ANKS1B: variants seen among roughly 807,000 people sequenced by gnomAD.
ANKS1B encodes the protein ankyrin repeat and sterile alpha motif domain containing 1B, also known as ankyrin repeat and sterile alpha motif domain-containing protein 1B.
In ANKS1B, 36 loss-of-function variants were observed where a neutral mutation model predicts 148.3. That is an observed-to-expected ratio of 0.24 (90% CI 0.19 to 0.32). The LOEUF (loss-of-function observed/expected upper bound fraction) is 0.32, where lower values mean the gene tolerates loss of function less well. Ranked by LOEUF, ANKS1B falls within the 10% of genes least tolerant of loss-of-function variation. ANKS1B has a pLI of 1.00. For synonymous variants in ANKS1B, 542 were observed against 560.8 expected (o/e 0.97, Z 0.47); for missense variants, 1,157 against 1,542.6 (o/e 0.75, Z 4.19).
intron 14 of ANKS1B, among the ~76,000 whole-genome samples, chr12:99,233,490 T>C (rs2087252607): frequency 6.6e-6 from 1 of 152,148 alleles, no homozygotes; most frequent in Non-Finnish European, 1.5e-5. Flanking sequence ...ATATCCAGCT[T>C]TGCTGAAGAA....
chr12:99,962,272 C>T (rs575774187), intron 1 of ANKS1B, among the ~76,000 whole-genome samples: 27 of 152,018 alleles, frequency 1.8e-4, no homozygotes, highest in Non-Finnish European at 3.1e-4. Flanking sequence ...CATTGCTCAA[C>T]TCCCACTTAT....
chr12:99,800,011 TTGAC>T (rs1567871473), intron 4 of ANKS1B, among the ~76,000 whole-genome samples: 2 of 152,130 alleles, frequency 1.3e-5, no homozygotes, highest in African/African-American at 4.8e-5. Flanking sequence ...TTCTGGCTGT[TTGAC>T]TGAAAATAGA....
At chr12:99,541,569 A>G (rs1373220435) in intron 9 of ANKS1B, among the ~76,000 whole-genome samples, 1 of 152,150 alleles carries the variant, frequency 6.6e-6, no homozygotes, top group African/African-American at 2.4e-5. Flanking sequence ...ACAAAATGTA[A>G]CATGCTTCTG....
intron 15 of ANKS1B, among the ~76,000 whole-genome samples, chr12:99,130,682 G>C (rs756728165): frequency 6.6e-6 from 1 of 152,032 alleles, no homozygotes; most frequent in African/African-American, 2.4e-5. Context: ...CATTTTGAAC[G>C]GATTAAGTTC....
chr12:99,018,059 G>T (rs2099943626), intron 17 of ANKS1B, among the ~76,000 whole-genome samples: 2 of 152,156 alleles, frequency 1.3e-5, no homozygotes, highest in African/African-American at 4.8e-5. Flanking sequence ...GATAAACCTT[G>T]ATGACTGAGA....
At chr12:99,433,613 T>C (rs964049353) in intron 11 of ANKS1B, among the ~76,000 whole-genome samples, 1 of 152,148 alleles carries the variant, frequency 6.6e-6, no homozygotes, top group Non-Finnish European at 1.5e-5. Context: ...TGCTATTAAC[T>C]GAAATGCAAA....
chr12:99,461,286 A>G (rs1291020110), intron 10 of ANKS1B, among the ~76,000 whole-genome samples: 2 of 152,036 alleles, frequency 1.3e-5, no homozygotes, highest in Admixed American at 6.6e-5. Flanking sequence ...GAAAGAGTGG[A>G]AGGGCAGTGA....
At chr12:99,573,644 CCTT>C (rs2097485798) in intron 9 of ANKS1B, among the ~76,000 whole-genome samples, 1 of 152,004 alleles carries the variant, frequency 6.6e-6, no homozygotes, top group Admixed American at 6.6e-5. Flanking sequence ...CTATTTCAGA[CCTT>C]CTTTCTTCTC....
chr12:98,832,207 T>C, intron 17 of ANKS1B, 71 bp from the exon 18 acceptor site: 4 of 1,248,276 alleles, frequency 3.2e-6, no homozygotes, highest in Non-Finnish European at 4.4e-6. Flanking sequence ...CTAAAACATG[T>C]GGGGTGAAAA....
chr12:99,179,905 C>T (rs1601450396), intron 14 of ANKS1B, among the ~76,000 whole-genome samples: 1 of 152,130 alleles, frequency 6.6e-6, no homozygotes. Context: ...ATTTAAGGTT[C>T]TCCATCATTT....
chr12:99,179,488 G>GAC (rs943885448), intron 14 of ANKS1B, among the ~76,000 whole-genome samples: 6 of 129,290 alleles, frequency 4.6e-5, no homozygotes, highest in African/African-American at 1.7e-4. Flanking sequence ...AAACTGAAAA[G>GAC]ACATGCATTG....
At chr12:99,514,553 G>A (rs12299710) in intron 9 of ANKS1B, among the ~76,000 whole-genome samples, 6,211 of 151,990 alleles carry the variant, frequency 0.041, 441 homozygotes, top group African/African-American at 0.14. Context: ...TACTATCACC[G>A]CCATCCAGAA....
chr12:99,528,683 T>C (rs1250561858), intron 9 of ANKS1B, among the ~76,000 whole-genome samples: 1 of 152,186 alleles, frequency 6.6e-6, no homozygotes, highest in Non-Finnish European at 1.5e-5. Context: ...GCCTAAGTGA[T>C]CAATCAATGT....
At chr12:98,924,677 T>G (rs2099805832) in intron 17 of ANKS1B, among the ~76,000 whole-genome samples, 1 of 152,188 alleles carries the variant, frequency 6.6e-6, no homozygotes, top group African/African-American at 2.4e-5. Context: ...CTGCTAATTC[T>G]TAGATGGTCT....
intron 22 of ANKS1B, among the ~76,000 whole-genome samples, chr12:98,783,618 G>C (rs1194576911): frequency 6.6e-6 from 1 of 152,160 alleles, no homozygotes; most frequent in East Asian, 1.9e-4. Flanking sequence ...GACTCTTGAT[G>C]AATAAGCATT....
chr12:99,041,011 G>GT (rs2153490277), intron 17 of ANKS1B, among the ~76,000 whole-genome samples: 1 of 152,312 alleles, frequency 6.6e-6, no homozygotes, highest in East Asian at 1.9e-4. Context: ...AGATGACGTT[G>GT]TGAGTTGAGA....
chr12:99,949,479 C>G (rs1000013684), intron 1 of ANKS1B, among the ~76,000 whole-genome samples: 1 of 152,016 alleles, frequency 6.6e-6, no homozygotes, highest in Admixed American at 6.6e-5. Context: ...TTCTGGAAGT[C>G]AAATATTGGG....
chr12:99,668,594 T>C (rs1319681272), intron 8 of ANKS1B, among the ~76,000 whole-genome samples: 2 of 152,162 alleles, frequency 1.3e-5, no homozygotes, highest in Non-Finnish European at 2.9e-5. Context: ...CTTTGTGACT[T>C]TAGCAACTAG....
chr12:99,627,710 A>G (rs1384998010), intron 9 of ANKS1B, among the ~76,000 whole-genome samples: 1 of 152,222 alleles, frequency 6.6e-6, no homozygotes, highest in African/African-American at 2.4e-5. Context: ...TTTGTCAGAA[A>G]CAAATGTTAT....
Sources: gnomAD v4.1 joint callset for allele counts (sites outside exome capture counted in the v4.1 genomes callset) on GRCh38, gnomAD v4.1.1 for gene constraint, MANE v1.5 for transcripts, NCBI Gene and HGNC (gene_info 2026-07-23, HGNC 2026-07-21) for gene names.